The following UPRT variants were observed in gnomAD, a reference collection of about 807,000 sequenced individuals.
UPRT encodes the protein uracil phosphoribosyltransferase homolog, also known as RP11-311P8.3.
In UPRT, 5 loss-of-function variants were observed where a neutral mutation model predicts 22.6. The observed-to-expected ratio is 0.22, with a 90% CI of 0.12 to 0.47. The LOEUF is 0.47. UPRT is among the 20% of genes least tolerant of loss of function. UPRT has a pLI of 0.99. For synonymous variants in UPRT, 77 were observed against 87.7 expected (o/e 0.88, Z 0.68); for missense variants, 181 against 239.9 (o/e 0.75, Z 1.62).
chrX:75,192,670 G>A (rs1189006962), intron 4 of UPRT, among the ~76,000 whole-genome samples: 1 of 111,834 alleles, frequency 8.9e-6, no homozygotes, highest in African/African-American at 3.3e-5. Context: ...TATATTTAGG[G>A]TAGTTAACTG....
At chrX:75,255,332 C>A (rs1342466457) in intron 4 of UPRT, among the ~76,000 whole-genome samples, 1 of 111,865 alleles carries the variant, frequency 8.9e-6, no homozygotes, top group African/African-American at 3.3e-5. Context: ...TACCAAGCCA[C>A]CGCTACAAGA....
In UPRT at chrX:75,290,796, A is replaced by G. The variant is rs143357783; in HGVS notation, c.387-2676A>G. ...AACAGTAGACACTGGGGACTACTAA[A>G]TGGGGGAAGGATGGAGGGGGACAAG... On this transcript the variant is annotated intron_variant, in intron 1 of 6. Transcript: ENST00000373383. Among the ~76,000 whole-genome samples the G allele has an allele frequency of 7.8e-3, 859 of 109,762 alleles. 11 individuals carry two copies. Among genetic ancestry groups the G allele is most frequent in the African/African-American group, 0.026 (789 of 30,218 alleles).
intron 4 of UPRT, among the ~76,000 whole-genome samples, chrX:75,247,301 G>A (rs1045566707): frequency 5.3e-4 from 59 of 111,460 alleles, no homozygotes; most frequent in Admixed American, 2.8e-3. Flanking sequence ...TCCGGGAAGC[G>A]CAAGGGGTAA....
At chrX:75,210,807 T>A (rs139660582) in intron 4 of UPRT, among the ~76,000 whole-genome samples, 3,503 of 110,762 alleles carry the variant, frequency 0.032, 148 homozygotes, top group African/African-American at 0.11. Context: ...GAGAGAGAGC[T>A]GCAAACAGAG....
In UPRT at chrX:75,300,852, A is replaced by T. The variant is rs367613570; in HGVS notation, c.725-15A>T. ...GTTAAGGTTGCTAATTCATTTGGTT[A>T]TCTTTTGATTTCAGGCACTGGAAAT... is the stretch of plus-strand genomic sequence containing the variant. On this transcript the variant is annotated splice_polypyrimidine_tract_variant and intron_variant, in intron 5 of 6. Transcript: ENST00000373383. The T allele has an allele frequency of 5.2e-6, 6 of 1,161,014 alleles. No individual in the cohort carries two copies. In the African/African-American group the frequency reaches 1.1e-4, roughly 21 times the overall value.
intron 4 of UPRT, among the ~76,000 whole-genome samples, chrX:75,253,954 C>G (rs2082540737): frequency 1.8e-5 from 2 of 111,401 alleles, no homozygotes; most frequent in South Asian, 7.7e-4. Flanking sequence ...TCTGCCTGGC[C>G]TCACAGGGGT....
At chrX:75,270,586 A>G (rs1001108623), upstream of UPRT, among the ~76,000 whole-genome samples, 2 of 111,964 alleles carry the variant, frequency 1.8e-5, no homozygotes, top group Non-Finnish European at 3.8e-5. Context: ...TAAAAACAGG[A>G]TGAGTTCATG....
In UPRT at chrX:75,299,864, G is replaced by A. The variant is rs1003876010; in HGVS notation, c.692G>A (p.Arg231Gln). The A allele has an allele frequency of 2.3e-5, 28 of 1,209,732 alleles. No individual in the cohort carries two copies. Among genetic ancestry groups the A allele is most frequent in the East Asian group, 8.9e-5 (3 of 33,755 alleles). Residue 231 changes from arginine to glutamine, a missense_variant, in exon 5 of 7, where the codon CGG becomes CAG. By Grantham distance (43) the Arg-to-Gln change is conservative. Coordinates refer to ENST00000373383, the MANE Select transcript of UPRT (RefSeq NM_145052.4). ...YYAKFPPDIYRRKVLLMYPIL... is the reference protein window; with the variant it reads ...YYAKFPPDIYQRKVLLMYPIL... Reference sequence around the variant, plus strand: ...GCCAAATTCCCCCCAGACATTTACCGGAGAAAAGTCCTTCTGATGTATCCA... The same window carrying A: ...GCCAAATTCCCCCCAGACATTTACCAGAGAAAAGTCCTTCTGATGTATCCA...
chrX:75,185,370 C>A (rs2082286297), intron 4 of UPRT, among the ~76,000 whole-genome samples: 2 of 111,745 alleles, frequency 1.8e-5, no homozygotes, highest in South Asian at 7.5e-4. Context: ...AGGGATGAAG[C>A]CCACTTGATC....
chrX:75,180,695 GTTTTTTTTTTTTTT>G lies in UPRT; in HGVS notation c.-447+12828_-447+12841del, dbSNP rs61040746. ...CCCTTTTCTCTGTTTTTTTTTTTTTGTTTTTTTTTTTTTTTTTTTTTTTTTGCTTGTTAATTTGT... is the reference window on the plus strand; with the variant it reads ...CCCTTTTCTCTGTTTTTTTTTTTTTGTTTTTTTTTTTGCTTGTTAATTTGT... On this transcript the variant is annotated intron_variant, in intron 4 of 13. Coordinates refer to the UPRT transcript ENST00000652605. Among the ~76,000 whole-genome samples, 14 of 34,659 alleles carry G rather than the reference GTTTTTTTTTTTTTT, an allele frequency of 4.0e-4. No homozygotes were observed. The South Asian group carries it at 0.045, about 111-fold the overall frequency. 30.1% of individuals were successfully genotyped at this position (34,659 alleles called of 115,157 possible). A position where few individuals can be genotyped will look rare whatever the true frequency, so the allele number is the denominator to read the frequency against.
chrX:75,292,431 G>A (rs774180839), intron 1 of UPRT, among the ~76,000 whole-genome samples: 1 of 111,700 alleles, frequency 9.0e-6, no homozygotes, highest in East Asian at 2.8e-4. Context: ...ATTTTAGAGA[G>A]CTAATATCTG....
chrX:75,275,098 C>T (rs1239237438), intron 1 of UPRT, among the ~76,000 whole-genome samples: 1 of 111,614 alleles, frequency 9.0e-6, no homozygotes, highest in Admixed American at 9.5e-5. Flanking sequence ...AAATTCTATT[C>T]AGGCCCTGAC....
chrX:75,184,297 T>A (rs2147612515), intron 4 of UPRT, among the ~76,000 whole-genome samples: 1 of 112,276 alleles, frequency 8.9e-6, no homozygotes, highest in East Asian at 2.8e-4. Context: ...TCCCCATTGC[T>A]TGTTTTCGTC....
intron 4 of UPRT, among the ~76,000 whole-genome samples, chrX:75,248,753 A>G (rs971769214): frequency 6.3e-5 from 7 of 111,618 alleles, no homozygotes; most frequent in Non-Finnish European, 1.1e-4. Flanking sequence ...AAGACACACA[A>G]TTGTGAGATT....
chrX:75,235,218 C>T (rs772303212), intron 4 of UPRT, among the ~76,000 whole-genome samples: 12 of 111,231 alleles, frequency 1.1e-4, no homozygotes, highest in African/African-American at 3.9e-4. Flanking sequence ...ACACATACAC[C>T]CTCCCAAGAC....
At position 75,274,374 on chromosome X, in the gene UPRT, G is replaced by T. The variant is rs2082621825; in HGVS notation, c.120G>T (p.Gly40=). ...GCGATCTGATCCTGGACCACGCAGG[G>T]GGAAACAGAGCCTCCAGGGCCAAGG... ...RPGDLILDHA[G]GNRASRAKVI... is the part of the protein sequence containing the mutation. The change falls in exon 1 of 7, where the codon GGG becomes GGT. Residue 40 remains glycine, a synonymous_variant. Transcript: ENST00000373383. 8.3e-7 allele frequency: 1 copy of T among 1,211,540 alleles called. No individual in the cohort carries two copies. Among genetic ancestry groups the T allele is most frequent in the Non-Finnish European group, 1.1e-6 (1 of 895,478 alleles).
chrX:75,170,260 C>T (rs1015347796), intron 4 of UPRT, among the ~76,000 whole-genome samples: 14 of 111,338 alleles, frequency 1.3e-4, no homozygotes, highest in African/African-American at 4.6e-4. Context: ...TGATCTCAAA[C>T]TCCTGACCTC....
rs774063624 is a variant in UPRT, at chrX:75,250,272, G to A, written c.-446-40752G>A. Among the ~76,000 whole-genome samples the A allele has an allele frequency of 8.2e-5, 9 of 109,759 alleles. No individual in the cohort carries two copies. The South Asian group carries it at 2.0e-3, about 24-fold the overall frequency. ...CTTCAAAAAATTAATGAATTCAGGAGCTGGTTTTTTGAAAAGATCAACAAA... is the reference window on the plus strand; with the variant it reads ...CTTCAAAAAATTAATGAATTCAGGAACTGGTTTTTTGAAAAGATCAACAAA... On this transcript the variant is annotated intron_variant, in intron 4 of 13. Coordinates refer to the UPRT transcript ENST00000652605.
At chrX:75,206,865 C>T (rs1291451742) in intron 4 of UPRT, among the ~76,000 whole-genome samples, 7 of 111,423 alleles carry the variant, frequency 6.3e-5, no homozygotes, top group Non-Finnish European at 9.4e-5. Flanking sequence ...GGGGTTTCAC[C>T]GTGTTAGCTA....
Sources: gnomAD v4.1 joint callset for allele counts (sites outside exome capture counted in the v4.1 genomes callset) on GRCh38, gnomAD v4.1.1 for gene constraint, MANE v1.5 for transcripts, NCBI Gene and HGNC (gene_info 2026-07-23, HGNC 2026-07-21) for gene names.